TPRG1: variants seen among roughly 807,000 people sequenced by gnomAD.
TPRG1 encodes tumor protein p63 regulated 1, also known as tumor protein p63-regulated gene 1 protein.
In TPRG1, 29 loss-of-function variants were observed where a neutral mutation model predicts 29.3. The observed-to-expected ratio is 0.99, with a 90% CI of 0.74 to 1.35. The LOEUF (loss-of-function observed/expected upper bound fraction) is 1.35. Ranked by LOEUF, TPRG1 falls within the 40% of genes most tolerant of loss-of-function variation. TPRG1 has a pLI of 0.00. For missense variants in TPRG1, 327 were observed against 335.0 expected (o/e 0.98, Z 0.19); for synonymous variants, 130 against 116.8 (o/e 1.11, Z -0.73).
chr3:189,124,698 A>G (rs1272366883), intron 1 of TPRG1, among the ~76,000 whole-genome samples: 3 of 152,178 alleles, frequency 2.0e-5, no homozygotes, highest in African/African-American at 7.2e-5. Flanking sequence ...TTTATCTTAC[A>G]TGAACATTTG....
intron 4 of TPRG1, among the ~76,000 whole-genome samples, chr3:189,088,243 G>A (rs1041139777): frequency 2.6e-5 from 4 of 152,060 alleles, no homozygotes; most frequent in Non-Finnish European, 4.4e-5. Flanking sequence ...GGATTCCTGG[G>A]TATTTTATTC....
chr3:189,027,636 C>T (rs1182252632), intron 4 of TPRG1, among the ~76,000 whole-genome samples: 2 of 152,068 alleles, frequency 1.3e-5, no homozygotes, highest in African/African-American at 4.8e-5. Flanking sequence ...GTATCCAATG[C>T]TGTATTCCGT....
Position 189,250,505 on chromosome 3 carries a change from C to CCG in TPRG1, c.479+11597_479+11598insGC, listed in dbSNP as rs1553931522. Among the ~76,000 whole-genome samples, 4 of 17,746 alleles carry CCG rather than the reference C, an allele frequency of 2.3e-4. 1 individual carries two copies. Among genetic ancestry groups the CCG allele is most frequent in the East Asian group, 9.2e-4 (1 of 1,084 alleles). The allele number at this position is 17,746 out of a possible 152,430, so 11.6% of individuals were successfully genotyped here. A position where few individuals can be genotyped will look rare whatever the true frequency, so the allele number is the denominator to read the frequency against. Reference sequence around the variant, plus strand: ...AGGTGTTAACAAGTTCTGATTTCCGCCCCCCCCCCCCCACCCAGATTAAAG... The same window carrying CCG: ...AGGTGTTAACAAGTTCTGATTTCCGCCGCCCCCCCCCCCCACCCAGATTAAAG... On this transcript the variant is annotated intron_variant, in intron 4 of 5. Transcript: ENST00000345063.
At chr3:189,084,937 G>A (rs1399588940) in intron 4 of TPRG1, among the ~76,000 whole-genome samples, 3 of 152,186 alleles carry the variant, frequency 2.0e-5, no homozygotes, top group Non-Finnish European at 4.4e-5. Context: ...AATAGTAGAT[G>A]CTTGATAAAA....
At chr3:189,296,927 A>G (rs1720030286) in intron 4 of TPRG1, among the ~76,000 whole-genome samples, 1 of 152,202 alleles carries the variant, frequency 6.6e-6, no homozygotes, top group South Asian at 2.1e-4. Context: ...CAGTGTCTGA[A>G]TTGCAGCCTT....
chr3:189,022,910 T>C (rs1713430275), intron 3 of TPRG1, among the ~76,000 whole-genome samples: 1 of 152,208 alleles, frequency 6.6e-6, no homozygotes, highest in Non-Finnish European at 1.5e-5. Context: ...CCGAGCCAGG[T>C]GCCGGATATA....
intron 1 of TPRG1, among the ~76,000 whole-genome samples, chr3:189,187,568 C>T (rs182469435): frequency 7.9e-5 from 12 of 152,166 alleles, no homozygotes; most frequent in Non-Finnish European, 1.5e-4. Context: ...CCACCTGCCT[C>T]GGCCTCCCAA....
At chr3:189,269,566 G>A (rs1714726839) in intron 4 of TPRG1, among the ~76,000 whole-genome samples, 1 of 152,012 alleles carries the variant, frequency 6.6e-6, no homozygotes, top group Non-Finnish European at 1.5e-5. Context: ...GTGTGCTGGG[G>A]ATACTTGGCA....
chr3:189,118,542 G>A (rs1417543983), intron 1 of TPRG1, among the ~76,000 whole-genome samples: 1 of 152,186 alleles, frequency 6.6e-6, no homozygotes, highest in African/African-American at 2.4e-5. Flanking sequence ...ACCTGTCACA[G>A]GCCTGGAGGC....
At chr3:189,249,428 C>T (rs1028457835) in intron 4 of TPRG1, among the ~76,000 whole-genome samples, 5 of 151,782 alleles carry the variant, frequency 3.3e-5, no homozygotes, top group Admixed American at 3.3e-4. Flanking sequence ...GTCTATTTTA[C>T]TTTAAGCATT....
chr3:189,004,468 T>G (rs1273598657), intron 2 of TPRG1: 1 of 152,130 alleles, frequency 6.6e-6, no homozygotes, highest in Non-Finnish European at 1.5e-5. Context: ...TTCACCAATA[T>G]TCACACTCTT....
chr3:189,098,912 G>A (rs1339908754), upstream of TPRG1, among the ~76,000 whole-genome samples: 1 of 152,106 alleles, frequency 6.6e-6, no homozygotes, highest in East Asian at 1.9e-4. Context: ...GCAGTGTCTG[G>A]CAGGTAGAAC....
At position 189,242,941 on chromosome 3, in the gene TPRG1, C is replaced by T. The variant is rs116760895; in HGVS notation, c.479+4032C>T. On this transcript the variant is annotated intron_variant, in intron 4 of 5. Coordinates refer to ENST00000345063, the MANE Select transcript of TPRG1 (RefSeq NM_198485.4). ...TTGTTGTTTATTTAAGTTGTTGCAG[C>T]TGAAGGCATAAAGTTGTTAATAATA... Among the ~76,000 whole-genome samples, 1,260 of 152,008 alleles carry T rather than the reference C, an allele frequency of 8.3e-3. 14 individuals are homozygous for T. The highest frequency in any genetic ancestry group is 0.024 in the Middle Eastern group (7 of 294).
chr3:189,032,274 G>A (rs1285173939), intron 4 of TPRG1, among the ~76,000 whole-genome samples: 1 of 152,164 alleles, frequency 6.6e-6, no homozygotes, highest in Non-Finnish European at 1.5e-5. Flanking sequence ...GTGACCTAAG[G>A]AATGTAGGTG....
At chr3:189,108,009 C>T (rs1720027334) in intron 1 of TPRG1, among the ~76,000 whole-genome samples, 2 of 152,050 alleles carry the variant, frequency 1.3e-5, no homozygotes, top group African/African-American at 2.4e-5. Flanking sequence ...GTGCATATGC[C>T]ATCCAAGGTC....
chr3:189,200,755 G>T lies in TPRG1; in HGVS notation c.-9-6621G>T, dbSNP rs376406856. Reference sequence around the variant, plus strand: ...TTAACTAAATTGTAATTAACTAACTGAGAGTTCAGAAGAGATACACAACCA... The same window carrying T: ...TTAACTAAATTGTAATTAACTAACTTAGAGTTCAGAAGAGATACACAACCA... On this transcript the variant is annotated intron_variant, in intron 1 of 5. Coordinates refer to ENST00000345063, the MANE Select transcript of TPRG1 (RefSeq NM_198485.4). Among the ~76,000 whole-genome samples, 11 of 152,330 alleles carry T rather than the reference G, an allele frequency of 7.2e-5. No homozygotes were observed. In the South Asian group the frequency reaches 1.0e-3, roughly 14 times the overall value.
chr3:189,019,188 T>G (rs1408801053), intron 3 of TPRG1, among the ~76,000 whole-genome samples: 1 of 151,338 alleles, frequency 6.6e-6, no homozygotes, highest in Non-Finnish European at 1.5e-5. Context: ...CAGGGACAAT[T>G]TGACTTCCTC....
At chr3:189,231,027 G>C (rs1400265260) in intron 3 of TPRG1, among the ~76,000 whole-genome samples, 1 of 152,076 alleles carries the variant, frequency 6.6e-6, no homozygotes, top group East Asian at 1.9e-4. Flanking sequence ...ATACTCTCAT[G>C]AGTTTCCATT....
At chr3:189,135,511 A>G (rs1490657038) in intron 3 of TPRG1, among the ~76,000 whole-genome samples, 1 of 152,200 alleles carries the variant, frequency 6.6e-6, no homozygotes, top group Non-Finnish European at 1.5e-5. Context: ...ACATTTAGCA[A>G]CTTATGCTCC....
Sources: allele counts gnomAD v4.1 joint callset (sites outside exome capture counted in the v4.1 genomes callset), GRCh38; gene constraint gnomAD v4.1.1; transcripts MANE v1.5; gene names NCBI Gene and HGNC (gene_info 2026-07-23, HGNC 2026-07-21).